CSMD1: variants seen among roughly 807,000 people sequenced by gnomAD.
The protein encoded by CSMD1 is CUB and sushi domain-containing protein 1.
In CSMD1, 213 loss-of-function variants were observed where a neutral mutation model predicts 417.5. The observed-to-expected ratio is 0.51, with a 90% CI of 0.46 to 0.57. The LOEUF (loss-of-function observed/expected upper bound fraction) is 0.57. CSMD1 is among the 20% of genes least tolerant of loss of function. The probability of loss-of-function intolerance (pLI) is 0.00; values close to 1 mark genes in which losing one functional copy is unlikely to be tolerated. For synonymous variants in CSMD1, 2,862 were observed against 1,736.8 expected, an observed-to-expected ratio of 1.65 and a Z score of -16.11; for missense variants, 6,923 against 4,529.7, an observed-to-expected ratio of 1.53 and a Z score of -15.17.
At chr8:3,167,597 C>G (rs1220617484) in intron 37 of CSMD1, among the ~76,000 whole-genome samples, 2 of 152,150 alleles carry the variant, frequency 1.3e-5, no homozygotes, top group African/African-American at 2.4e-5. Flanking sequence ...TGGACATTTA[C>G]AAAGATGCTT....
intron 3 of CSMD1, among the ~76,000 whole-genome samples, chr8:4,391,427 T>C (rs189795334): frequency 6.6e-6 from 1 of 152,106 alleles, no homozygotes; most frequent in African/African-American, 2.4e-5. Flanking sequence ...CCTTAGTGAT[T>C]GAGAGAAGGA....
chr8:3,038,407 A>T (rs13278117), intron 50 of CSMD1, among the ~76,000 whole-genome samples: 28,746 of 152,242 alleles, frequency 0.19, 3,330 homozygotes, highest in Non-Finnish European at 0.26. Context: ...TTTAAAGTCA[A>T]AAATCTTAGT....
intron 6 of CSMD1, among the ~76,000 whole-genome samples, chr8:3,748,419 C>T (rs1392114264): frequency 6.6e-6 from 1 of 152,116 alleles, no homozygotes; most frequent in Non-Finnish European, 1.5e-5. Flanking sequence ...AGGCAGGAGG[C>T]CCATGTGGAG....
chr8:3,776,734 G>A (rs1259827335), intron 5 of CSMD1, among the ~76,000 whole-genome samples: 1 of 149,292 alleles, frequency 6.7e-6, no homozygotes, highest in African/African-American at 2.5e-5. Context: ...TTAGGTAGAT[G>A]ACAGATAAAG....
intron 2 of CSMD1, among the ~76,000 whole-genome samples, chr8:4,456,444 A>G (rs957321367): frequency 4.6e-5 from 7 of 152,184 alleles, no homozygotes; most frequent in Non-Finnish European, 1.0e-4. Flanking sequence ...ATTGCTGTTA[A>G]GAGTATTCTT....
intron 3 of CSMD1, among the ~76,000 whole-genome samples, chr8:4,172,155 C>A (rs75911148): frequency 1.3e-5 from 2 of 151,988 alleles, no homozygotes; most frequent in African/African-American, 4.8e-5. Context: ...AAAGATGGAC[C>A]TAAGAGAAGT....
intron 8 of CSMD1, among the ~76,000 whole-genome samples, chr8:3,595,925 C>T (rs1253372720): frequency 2.0e-5 from 3 of 152,106 alleles, no homozygotes; most frequent in Admixed American, 1.3e-4. Context: ...GAGCTTTGCC[C>T]GCAAGCCCCT....
At chr8:3,644,270 T>G (rs1797462233) in intron 7 of CSMD1, among the ~76,000 whole-genome samples, 1 of 152,198 alleles carries the variant, frequency 6.6e-6, no homozygotes, top group Admixed American at 6.5e-5. Flanking sequence ...CCATTGCTGT[T>G]AGAGAATTTA....
At chr8:3,479,348 T>C (rs1817604430) in intron 11 of CSMD1, among the ~76,000 whole-genome samples, 1 of 152,208 alleles carries the variant, frequency 6.6e-6, no homozygotes, top group Non-Finnish European at 1.5e-5. Context: ...TGGCATGATC[T>C]TGGCTCACCG....
intron 1 of CSMD1, among the ~76,000 whole-genome samples, chr8:4,745,728 AATGGAGTAAC>A (rs1307070834): frequency 1.3e-5 from 2 of 152,200 alleles, no homozygotes; most frequent in African/African-American, 4.8e-5. Flanking sequence ...AGCATACTTT[AATGGAGTAAC>A]ACTCTCCAAC....
intron 1 of CSMD1, among the ~76,000 whole-genome samples, chr8:4,913,797 C>T (rs1487435459): frequency 1.3e-5 from 2 of 152,202 alleles, no homozygotes; most frequent in African/African-American, 4.8e-5. Flanking sequence ...GCACGCCAAC[C>T]TTCCCACCAG....
rs886308366 is a variant in CSMD1 at position 3,093,289 on chromosome 8, G to T, written c.7139-1627C>A. ...CCCTGAGTGGGGGCCACATCTGCAA[G>T]CCTGGGAGGGAGGCTTGGAGGAGAG... is the stretch of plus-strand genomic sequence containing the variant. On this transcript the variant is annotated intron_variant, in intron 47 of 69. Coordinates refer to ENST00000635120, the MANE Select transcript of CSMD1 (RefSeq NM_033225.6). 2.6e-5 allele frequency among the ~76,000 whole-genome samples: 4 copies of T among 152,198 alleles called. No homozygotes were observed. The East Asian group carries it at 7.7e-4, about 29-fold the overall frequency.
chr8:3,730,208 G>T (rs919545958), intron 6 of CSMD1, among the ~76,000 whole-genome samples: 3 of 151,944 alleles, frequency 2.0e-5, no homozygotes, highest in Admixed American at 2.0e-4. Context: ...AGAGAATGAG[G>T]CTTCCAGTTT....
chr8:4,223,544 G>T (rs1359996592), intron 3 of CSMD1, among the ~76,000 whole-genome samples: 2 of 152,216 alleles, frequency 1.3e-5, no homozygotes, highest in Non-Finnish European at 2.9e-5. Context: ...TAACCACCAG[G>T]AGAGCTGGCC....
chr8:4,698,215 G>A (rs1330737840), intron 1 of CSMD1, among the ~76,000 whole-genome samples: 2 of 149,304 alleles, frequency 1.3e-5, no homozygotes, highest in African/African-American at 2.5e-5. Flanking sequence ...ATGTAATTAA[G>A]TAAGCCCTGG....
chr8:4,575,070 A>G (rs1205683879), intron 2 of CSMD1, among the ~76,000 whole-genome samples: 1 of 152,230 alleles, frequency 6.6e-6, no homozygotes, highest in African/African-American at 2.4e-5. Context: ...GTAATTTACT[A>G]TAAAATAGAA....
intron 6 of CSMD1, among the ~76,000 whole-genome samples, chr8:3,736,561 C>G (rs1282847308): frequency 6.6e-6 from 1 of 152,158 alleles, no homozygotes; most frequent in Non-Finnish European, 1.5e-5. Flanking sequence ...TCCAGTGTGT[C>G]TACCACCTGC....
intron 26 of CSMD1, among the ~76,000 whole-genome samples, chr8:3,271,498 G>C (rs371741190): frequency 0.21 from 26,390 of 128,012 alleles, 3,320 homozygotes; most frequent in African/African-American, 0.26. Context: ...CCTGACGAAT[G>C]TCCACACTGA....
At chr8:4,170,171 G>A (rs943427364) in intron 3 of CSMD1, among the ~76,000 whole-genome samples, 6 of 151,888 alleles carry the variant, frequency 4.0e-5, no homozygotes, top group Middle Eastern at 6.8e-3. Context: ...TGATAAGAGT[G>A]AAGGACCTTT....
Sources: gnomAD v4.1 joint callset for allele counts (sites outside exome capture counted in the v4.1 genomes callset) on GRCh38, gnomAD v4.1.1 for gene constraint, MANE v1.5 for transcripts, NCBI Gene and HGNC (gene_info 2026-07-23, HGNC 2026-07-21) for gene names.